The following PCDH11X variants were observed in gnomAD, a reference collection of about 807,000 sequenced individuals.
The protein encoded by PCDH11X is protocadherin 11 X-linked.
In PCDH11X, 18 loss-of-function variants were observed where a neutral mutation model predicts 53.3. The observed-to-expected ratio is 0.34, with a 90% CI of 0.23 to 0.50. The LOEUF is 0.50. Ranked by LOEUF, PCDH11X falls within the 20% of genes least tolerant of loss-of-function variation. The pLI is 0.98. For missense variants in PCDH11X, 570 were observed against 1,032.4 expected, an observed-to-expected ratio of 0.55 and a Z score of 6.14; for synonymous variants, 279 against 393.3, an observed-to-expected ratio of 0.71 and a Z score of 3.44.
chrX:92,529,808 C>A lies in PCDH11X; in HGVS notation c.3367+61486C>A, dbSNP rs192102125. Among the ~76,000 whole-genome samples the A allele has an allele frequency of 1.4e-3, 157 of 109,277 alleles. 1 individual carries two copies. Among genetic ancestry groups the A allele is most frequent in the African/African-American group, 4.8e-3 (145 of 30,081 alleles). The allele number at this position is 109,277 out of a possible 115,157, so 94.9% of individuals were successfully genotyped here. ...TGTGTTTGGGAATAAGAACAGAAAACTGGAATTATCTATGACTTGAGTCAA... is the reference window on the plus strand; with the variant it reads ...TGTGTTTGGGAATAAGAACAGAAAAATGGAATTATCTATGACTTGAGTCAA... On this transcript the variant is annotated intron_variant, in intron 10 of 10. Coordinates refer to ENST00000682573, the MANE Select transcript of PCDH11X (RefSeq NM_032968.5).
intron 10 of PCDH11X, among the ~76,000 whole-genome samples, chrX:92,485,584 T>A (rs768279428): frequency 2.8e-4 from 31 of 111,688 alleles, no homozygotes; most frequent in African/African-American, 9.7e-4. Context: ...TGCATAATAA[T>A]AGAAAGATTG....
intron 8 of PCDH11X, among the ~76,000 whole-genome samples, chrX:92,356,954 C>A (rs760915078): frequency 1.8e-5 from 2 of 111,357 alleles, no homozygotes; most frequent in African/African-American, 6.5e-5. Context: ...AAATGCACCC[C>A]TTTGAAGAGA....
chrX:92,244,800 C>A (rs950460290), intron 7 of PCDH11X, among the ~76,000 whole-genome samples: 1 of 111,634 alleles, frequency 9.0e-6, no homozygotes, highest in Non-Finnish European at 1.9e-5. Flanking sequence ...CCAGAGCCTG[C>A]GATCTAAAGT....
chrX:92,568,244 A>C (rs1350987114), intron 10 of PCDH11X, among the ~76,000 whole-genome samples: 1 of 109,468 alleles, frequency 9.1e-6, no homozygotes, highest in Non-Finnish European at 1.9e-5. Context: ...ACACGGTGAA[A>C]CCTGTCTCAA....
intron 8 of PCDH11X, among the ~76,000 whole-genome samples, chrX:92,353,870 G>T (rs1310538358): frequency 9.3e-6 from 1 of 107,887 alleles, no homozygotes; most frequent in Non-Finnish European, 1.9e-5. Flanking sequence ...TTTTAACACG[G>T]TATTAAACAT....
intron 6 of PCDH11X, among the ~76,000 whole-genome samples, chrX:91,890,500 A>G (rs1940425947): frequency 1.8e-5 from 2 of 110,329 alleles, no homozygotes; most frequent in South Asian, 3.9e-4. Flanking sequence ...GTTAAAGTAC[A>G]TATAAAAAAT....
intron 8 of PCDH11X, among the ~76,000 whole-genome samples, chrX:92,275,917 G>A (rs1451781042): frequency 9.1e-6 from 1 of 110,317 alleles, no homozygotes; most frequent in African/African-American, 3.3e-5. Context: ...GTGGGTTAAG[G>A]TGGGGGAATA....
At chrX:92,470,160 A>C (rs1355165675) in intron 10 of PCDH11X, among the ~76,000 whole-genome samples, 2 of 107,579 alleles carry the variant, frequency 1.9e-5, no homozygotes, top group African/African-American at 6.7e-5. Context: ...AAATGGGATA[A>C]ATTTCTTGAT....
At chrX:92,009,787 C>T (rs1470759840) in intron 6 of PCDH11X, among the ~76,000 whole-genome samples, 3 of 104,968 alleles carry the variant, frequency 2.9e-5, no homozygotes, top group Non-Finnish European at 5.8e-5. Flanking sequence ...ACTGCAACCT[C>T]CGCCTCCTGG....
intron 10 of PCDH11X, among the ~76,000 whole-genome samples, chrX:92,486,161 A>G (rs963224375): frequency 2.7e-5 from 3 of 110,843 alleles, no homozygotes; most frequent in Non-Finnish European, 3.8e-5. Flanking sequence ...AGTGAGATTC[A>G]CTGATTGAAT....
chrX:92,274,230 G>T (rs1486743518), intron 8 of PCDH11X, among the ~76,000 whole-genome samples: 1 of 109,667 alleles, frequency 9.1e-6, no homozygotes, highest in Non-Finnish European at 1.9e-5. Flanking sequence ...TAAAAGTATT[G>T]TCCAGTCCTC....
At position 91,879,936 on chromosome X, in the gene PCDH11X, G is replaced by A. The variant is rs184526072; in HGVS notation, c.3033+663G>A. On this transcript the variant is annotated intron_variant, in intron 6 of 10. Transcript: ENST00000682573. ...AGAATGAAATATATATGAGGTCTCT[G>A]GATAGCTATTTAAATATTTGCATAT... The A allele has an allele frequency of 1.1e-3, 770 of 705,164 alleles. 155 individuals are homozygous for A. The African/African-American group carries it at 0.03, about 27-fold the overall frequency. The allele number at this position is 705,164 out of a possible 1,213,427, so 58.1% of individuals were successfully genotyped here.
chrX:91,946,018 T>C (rs1199584831), intron 6 of PCDH11X, among the ~76,000 whole-genome samples: 1 of 109,230 alleles, frequency 9.2e-6, no homozygotes, highest in Admixed American at 9.8e-5. Flanking sequence ...ACACAAAGAA[T>C]GGATAAGGAA....
intron 10 of PCDH11X, among the ~76,000 whole-genome samples, chrX:92,562,860 T>C (rs188416879): frequency 9.1e-6 from 1 of 110,257 alleles, no homozygotes; most frequent in East Asian, 2.9e-4. Context: ...TGGACTTCAT[T>C]GTTTATATGA....
intron 8 of PCDH11X, among the ~76,000 whole-genome samples, chrX:92,304,330 A>G (rs2148473667): frequency 9.0e-6 from 1 of 111,687 alleles, no homozygotes; most frequent in East Asian, 2.8e-4. Flanking sequence ...TTTCAAATCT[A>G]CAGTCTGAAG....
chrX:91,992,780 A>C (rs1389002453), intron 6 of PCDH11X, among the ~76,000 whole-genome samples: 2 of 109,371 alleles, frequency 1.8e-5, no homozygotes, highest in South Asian at 4.0e-4. Context: ...TTATGGGGCA[A>C]TTATTTTTAT....
At chrX:92,049,217 A>G (rs2476061) in intron 6 of PCDH11X, among the ~76,000 whole-genome samples, 1 of 111,333 alleles carries the variant, frequency 9.0e-6, no homozygotes, top group African/African-American at 3.3e-5. Flanking sequence ...GCGATTCTCT[A>G]TAGAATGTGG....
intron 7 of PCDH11X, among the ~76,000 whole-genome samples, chrX:92,216,901 C>T (rs1190036533): frequency 9.3e-6 from 1 of 107,642 alleles, no homozygotes; most frequent in Non-Finnish European, 1.9e-5. Context: ...CAATATTCAA[C>T]ATTCTTAAAG....
intron 6 of PCDH11X, among the ~76,000 whole-genome samples, chrX:92,070,643 A>G (rs2063686414): frequency 9.0e-6 from 1 of 110,950 alleles, no homozygotes; most frequent in African/African-American, 3.3e-5. Flanking sequence ...CCTTGAGGTG[A>G]TCTCCTTCAG....
Sources: allele counts gnomAD v4.1 joint callset (sites outside exome capture counted in the v4.1 genomes callset), GRCh38; gene constraint gnomAD v4.1.1; transcripts MANE v1.5; gene names NCBI Gene and HGNC (gene_info 2026-07-23, HGNC 2026-07-21).